Variants in UNC13C observed in about 807,000 individuals in gnomAD.
The protein encoded by UNC13C is protein unc-13 homolog C.
UNC13C carries 174 observed loss-of-function variants against 245.4 expected under a neutral mutation model. That is an observed-to-expected ratio of 0.71 (90% CI 0.63 to 0.80). The LOEUF is 0.80. Among genes scored for constraint, UNC13C ranks in the 30% least tolerant of loss-of-function variants. UNC13C has a pLI of 0.00. For synonymous variants in UNC13C, 992 were observed against 895.1 expected, an observed-to-expected ratio of 1.11 and a Z score of -1.93; for missense variants, 2,829 against 2,602.9, an observed-to-expected ratio of 1.09 and a Z score of -1.89.
chr15:53,870,433 C>T, the UNC13C span, among the ~76,000 whole-genome samples: 2 of 132,658 alleles, frequency 1.5e-5, no homozygotes, highest in Non-Finnish European at 1.6e-5. Flanking sequence ...CCACCCCCCA[C>T]CCCCACACTG....
At chr15:53,857,646 C>T in the UNC13C span, among the ~76,000 whole-genome samples, 3 of 152,124 alleles carry the variant, frequency 2.0e-5, no homozygotes, top group Admixed American at 6.6e-5. Flanking sequence ...CTGTCTATAC[C>T]AGTAATATTC....
intron 17 of UNC13C, among the ~76,000 whole-genome samples, chr15:54,360,084 G>T (rs1171385133): frequency 1.3e-5 from 2 of 151,870 alleles, no homozygotes; most frequent in East Asian, 1.9e-4. Flanking sequence ...GGAGCATGTT[G>T]TTTAATGTAT....
chr15:53,905,256 T>C, the UNC13C span, among the ~76,000 whole-genome samples: 2 of 152,142 alleles, frequency 1.3e-5, no homozygotes, highest in Admixed American at 1.3e-4. Context: ...TCTACTCTCA[T>C]GTTCATTGCA....
At chr15:53,888,260 A>T in the UNC13C span, among the ~76,000 whole-genome samples, 1 of 152,136 alleles carries the variant, frequency 6.6e-6, no homozygotes, top group Non-Finnish European at 1.5e-5. Flanking sequence ...CTGGCGTGAG[A>T]TGGTATCTCA....
At chr15:53,934,245 A>G in the UNC13C span, among the ~76,000 whole-genome samples, 1 of 152,076 alleles carries the variant, frequency 6.6e-6, no homozygotes, top group Non-Finnish European at 1.5e-5. Context: ...CAAGACCCCA[A>G]CTCCAACAAT....
chr15:54,416,052 A>G (rs1025735298), intron 19 of UNC13C, among the ~76,000 whole-genome samples: 4 of 152,330 alleles, frequency 2.6e-5, no homozygotes, highest in Admixed American at 2.6e-4. Flanking sequence ...AGTGGGCCCA[A>G]TGATCAAGAA....
intron 25 of UNC13C, among the ~76,000 whole-genome samples, chr15:54,526,061 G>GT (rs2141139359): frequency 6.6e-6 from 1 of 152,280 alleles, no homozygotes; most frequent in East Asian, 1.9e-4. Flanking sequence ...GCATATCAGT[G>GT]TGGTTGCCGT....
At chr15:54,547,205 G>A (rs1004071404) in intron 27 of UNC13C, among the ~76,000 whole-genome samples, 10 of 151,874 alleles carry the variant, frequency 6.6e-5, no homozygotes, top group Admixed American at 5.2e-4. Flanking sequence ...AAATTTTACA[G>A]TTTAAGGAGA....
At chr15:53,932,910 G>A in the UNC13C span, among the ~76,000 whole-genome samples, 4 of 152,086 alleles carry the variant, frequency 2.6e-5, no homozygotes, top group Admixed American at 2.0e-4. Context: ...CATGCCAAAA[G>A]AGGAGCTCAT....
intron 18 of UNC13C, among the ~76,000 whole-genome samples, chr15:54,414,142 G>T (rs190745562): frequency 5.9e-5 from 9 of 152,062 alleles, no homozygotes; most frequent in Non-Finnish European, 1.3e-4. Context: ...CAGATTAGTG[G>T]GTGTGTCCAC....
intron 4 of UNC13C, among the ~76,000 whole-genome samples, chr15:54,168,053 T>C (rs894634331): frequency 6.6e-6 from 1 of 152,318 alleles, no homozygotes; most frequent in Admixed American, 6.5e-5. Context: ...GTTATACGAA[T>C]AGATACGTGA....
intron 13 of UNC13C, among the ~76,000 whole-genome samples, chr15:54,303,304 A>G (rs2037636313): frequency 6.6e-6 from 1 of 152,200 alleles, no homozygotes; most frequent in African/African-American, 2.4e-5. Flanking sequence ...AAATGCAAGT[A>G]TGATGAACAG....
intron 17 of UNC13C, among the ~76,000 whole-genome samples, chr15:54,351,483 T>C (rs1292312379): frequency 6.6e-6 from 1 of 152,210 alleles, no homozygotes. Flanking sequence ...GTCTGTATTA[T>C]TTCCCAAGGC....
At chr15:54,417,977 G>A (rs2040555848) in intron 19 of UNC13C, among the ~76,000 whole-genome samples, 1 of 152,134 alleles carries the variant, frequency 6.6e-6, no homozygotes, top group African/African-American at 2.4e-5. Context: ...AGGCTGGAGT[G>A]CAGTGGTGTG....
intron 32 of UNC13C, 147 bp downstream of exon 32, chr15:54,624,101 T>G (rs1900986111): frequency 2.1e-6 from 2 of 959,006 alleles, no homozygotes; most frequent in South Asian, 3.3e-5. Flanking sequence ...ATCTGTTCAG[T>G]GCCTGCCATG....
chr15:54,127,723 A>C (rs1475794368), intron 2 of UNC13C, among the ~76,000 whole-genome samples: 1 of 139,764 alleles, frequency 7.2e-6, no homozygotes, highest in African/African-American at 2.7e-5. Flanking sequence ...ATATATATAT[A>C]TAAAATATAT....
intron 4 of UNC13C, among the ~76,000 whole-genome samples, chr15:54,195,730 T>C (rs534194017): frequency 3.9e-5 from 6 of 152,248 alleles, no homozygotes; most frequent in African/African-American, 1.4e-4. Context: ...TTTAGCAAAG[T>C]GGTTTTGTTG....
the UNC13C span, among the ~76,000 whole-genome samples, chr15:53,865,148 G>C: frequency 1.3e-5 from 2 of 152,146 alleles, no homozygotes; most frequent in Non-Finnish European, 2.9e-5. Context: ...GGATATTTAA[G>C]TACTGAGAAA....
At chr15:54,050,632 T>A in intron 2 of UNC13C, 1 of 452,314 alleles carries the variant, frequency 2.2e-6, no homozygotes, top group East Asian at 5.4e-5. Context: ...TCAGAACTTA[T>A]GAGGACAAAG....
Sources: allele counts gnomAD v4.1 joint callset (sites outside exome capture counted in the v4.1 genomes callset), GRCh38; gene constraint gnomAD v4.1.1; transcripts MANE v1.5; gene names NCBI Gene and HGNC (gene_info 2026-07-23, HGNC 2026-07-21).